NPFFR2: variants seen among roughly 807,000 people sequenced by gnomAD.
The protein encoded by NPFFR2 is neuropeptide FF receptor 2.
NPFFR2 carries 15 observed loss-of-function variants against 13.1 expected under a neutral mutation model. The ratio of observed to expected loss-of-function variants is 1.15; its 90% CI spans 0.77 to 1.76. The LOEUF (loss-of-function observed/expected upper bound fraction) is 1.76, where lower values mean the gene tolerates loss of function less well. NPFFR2 is among the 40% of genes most tolerant of loss of function. The probability of loss-of-function intolerance (pLI) is 0.00; values close to 1 mark genes in which losing one functional copy is unlikely to be tolerated. For synonymous variants in NPFFR2, 190 were observed against 175.7 expected, an observed-to-expected ratio of 1.08 and a Z score of -0.65; for missense variants, 572 against 503.5, an observed-to-expected ratio of 1.14 and a Z score of -1.30.
intron 1 of NPFFR2, among the ~76,000 whole-genome samples, chr4:72,086,296 A>G (rs1720768838): frequency 6.6e-6 from 1 of 152,130 alleles, no homozygotes; most frequent in South Asian, 2.1e-4. Context: ...TAATGGTTTC[A>G]GCTTTCTTAA....
At position 72,070,561 on chromosome 4, in the gene NPFFR2, G is replaced by GTGTGTGTGTGTGTGTGTGTGTGTGTGT. The variant is rs368654718; in HGVS notation, c.-8+38361_-8+38362insTGTGTGTGTGTGTGTGTGTGTGTGTGT. On this transcript the variant is annotated intron_variant, in intron 1 of 3. Coordinates refer to ENST00000308744, the MANE Select transcript of NPFFR2 (RefSeq NM_004885.3). ...AAGTATCGTGTGTGTGTGTGTGTGT[G>GTGTGTGTGTGTGTGTGTGTGTGTGTGT]GGGGGGGGGGGTGGGGCTCTGGTGG... 1.5e-4 allele frequency among the ~76,000 whole-genome samples: 20 copies of GTGTGTGTGTGTGTGTGTGTGTGTGTGT among 131,572 alleles called. 5 individuals carry two copies. The highest frequency in any genetic ancestry group is 2.1e-4 in the Non-Finnish European group (14 of 65,194). 86.3% of individuals were successfully genotyped at this position (131,572 alleles called of 152,430 possible).
chr4:72,124,113 A>G (rs1249248271), intron 1 of NPFFR2, among the ~76,000 whole-genome samples: 1 of 152,188 alleles, frequency 6.6e-6, no homozygotes, highest in East Asian at 1.9e-4. Context: ...ATTCCTATAT[A>G]CCAGTAATAG....
chr4:72,100,694 G>A (rs901534936), intron 1 of NPFFR2, among the ~76,000 whole-genome samples: 5 of 151,798 alleles, frequency 3.3e-5, no homozygotes, highest in Non-Finnish European at 5.9e-5. Context: ...GTTGAGTTTT[G>A]GCAAATAGTT....
chr4:72,138,759 T>A (rs1393732733), intron 3 of NPFFR2, among the ~76,000 whole-genome samples: 2 of 152,302 alleles, frequency 1.3e-5, no homozygotes, highest in South Asian at 2.1e-4. Flanking sequence ...TGCTTTATAA[T>A]CCTTTGGGTA....
chr4:72,092,123 AT>A (rs1288512130), intron 1 of NPFFR2, among the ~76,000 whole-genome samples: 1 of 151,932 alleles, frequency 6.6e-6, no homozygotes, highest in African/African-American at 2.4e-5. Flanking sequence ...AGGTCATTTA[AT>A]TTTCATGTAT....
intron 1 of NPFFR2, among the ~76,000 whole-genome samples, chr4:72,115,463 A>G (rs1359034518): frequency 6.6e-6 from 1 of 152,166 alleles, no homozygotes; most frequent in Non-Finnish European, 1.5e-5. Context: ...AGGGCATGGG[A>G]ATAACTGCGT....
chr4:72,057,352 G>T (rs538379860), intron 1 of NPFFR2, among the ~76,000 whole-genome samples: 1 of 151,856 alleles, frequency 6.6e-6, no homozygotes, highest in Non-Finnish European at 1.5e-5. Flanking sequence ...AGTTCCAGAG[G>T]CCAGAAATCT....
rs141804294 is a variant in NPFFR2 at position 72,142,302 on chromosome 4, C to T, written c.428+4163C>T. Among the ~76,000 whole-genome samples, 31 of 151,854 alleles carry T rather than the reference C, an allele frequency of 2.0e-4. No homozygotes were observed. The East Asian group carries it at 5.7e-3, about 28-fold the overall frequency. On this transcript the variant is annotated intron_variant, in intron 3 of 3. Transcript: ENST00000308744. Reference sequence around the variant, plus strand: ...TATTTGAATTTGATCCTGTCATTGGCGAGAGTGTCCCGATTTTCCAGGTAC... The same window carrying T: ...TATTTGAATTTGATCCTGTCATTGGTGAGAGTGTCCCGATTTTCCAGGTAC...
In NPFFR2 at chr4:72,130,490, A is replaced by T. The variant is rs1722202660; in HGVS notation, c.328+1571A>T. ...AGCACCCTAAAGTACTTCTGGGCCC[A>T]CAGAAGTACTTTACCTTACTGCATA... On this transcript the variant is annotated intron_variant, in intron 2 of 3. Transcript: ENST00000308744. Among the ~76,000 whole-genome samples the T allele has an allele frequency of 2.0e-5, 3 of 152,248 alleles. No homozygotes were observed. The South Asian group carries it at 6.2e-4, about 32-fold the overall frequency.
In NPFFR2 at chr4:72,100,159, C is replaced by T. The variant is rs1721198325; in HGVS notation, c.-7-28426C>T. On this transcript the variant is annotated intron_variant, in intron 1 of 3. Transcript: ENST00000308744. ...TAATCATTTTTCATTCTAAAGATGA[C>T]TATAAGAAGTACAAGAAAAACATTA... 2.0e-5 allele frequency among the ~76,000 whole-genome samples: 3 copies of T among 151,990 alleles called. No individual in the cohort carries two copies. The South Asian group carries it at 6.2e-4, about 31-fold the overall frequency.
chr4:72,068,888 T>C (rs1455698656), intron 1 of NPFFR2: 25 of 690,580 alleles, frequency 3.6e-5, no homozygotes, highest in Non-Finnish European at 5.8e-5. Context: ...TCTAGACACA[T>C]ATGGTTTGAT....
At chr4:72,100,370 T>C (rs1578454857) in intron 1 of NPFFR2, among the ~76,000 whole-genome samples, 1 of 152,126 alleles carries the variant, frequency 6.6e-6, no homozygotes, top group Admixed American at 6.6e-5. Context: ...CTACTTAATC[T>C]TCCTAACTTT....
intron 1 of NPFFR2, among the ~76,000 whole-genome samples, chr4:72,121,272 T>A (rs1255205708): frequency 6.6e-6 from 1 of 152,140 alleles, no homozygotes; most frequent in East Asian, 1.9e-4. Flanking sequence ...AACCTTTGTT[T>A]GACTGGTGTA....
At chr4:72,054,896 T>C (rs1278334184) in intron 1 of NPFFR2, among the ~76,000 whole-genome samples, 1 of 151,704 alleles carries the variant, frequency 6.6e-6, no homozygotes, top group Non-Finnish European at 1.5e-5. Context: ...CAATGAGACA[T>C]CTCTACACCA....
intron 1 of NPFFR2, among the ~76,000 whole-genome samples, chr4:72,115,724 T>G (rs1477035445): frequency 6.6e-6 from 1 of 152,220 alleles, no homozygotes; most frequent in East Asian, 1.9e-4. Context: ...TTGTTTCTCT[T>G]TATTCAACCT....
chr4:72,067,211 T>A (rs1344602581), intron 1 of NPFFR2, among the ~76,000 whole-genome samples: 1 of 152,214 alleles, frequency 6.6e-6, no homozygotes, highest in African/African-American at 2.4e-5. Context: ...GATCATGCCT[T>A]GCAGAGCAGT....
At position 72,128,585 on chromosome 4, in the gene NPFFR2, G is replaced by A. The variant is rs1305576049; in HGVS notation, c.-7G>A. 1.9e-6 allele frequency: 3 copies of A among 1,582,954 alleles called. No individual in the cohort carries two copies. Among genetic ancestry groups the A allele is most frequent in the Non-Finnish European group, 2.6e-6 (3 of 1,159,126 alleles). On this transcript the variant is annotated splice_region_variant and 5_prime_UTR_variant, in exon 2 of 4. Transcript: ENST00000308744. ...TCTTTTCTGTCTCTTCTTTATTAAG[G>A]TTCATCATGAATGAGAAATGGGACA...
chr4:72,051,225 A>G (rs1442010323), intron 1 of NPFFR2, among the ~76,000 whole-genome samples: 2 of 151,916 alleles, frequency 1.3e-5, no homozygotes, highest in South Asian at 2.1e-4. Flanking sequence ...TTACAGTCCC[A>G]CCAACAGTGT....
chr4:72,112,724 G>C (rs1190144737), intron 1 of NPFFR2, among the ~76,000 whole-genome samples: 2 of 151,886 alleles, frequency 1.3e-5, no homozygotes, highest in African/African-American at 4.8e-5. Flanking sequence ...GAGTCATGTT[G>C]TGAGTCATAT....
Sources: gnomAD v4.1 joint callset for allele counts (sites outside exome capture counted in the v4.1 genomes callset) on GRCh38, gnomAD v4.1.1 for gene constraint, MANE v1.5 for transcripts, NCBI Gene and HGNC (gene_info 2026-07-23, HGNC 2026-07-21) for gene names.